The following TRMT6 variants were observed in gnomAD, a reference collection of about 807,000 sequenced individuals.
The protein encoded by TRMT6 is tRNA methyltransferase 6 non-catalytic subunit.
Under a neutral mutation model 59.0 loss-of-function variants are expected in TRMT6, and 34 were observed. That is an observed-to-expected ratio of 0.58 (90% CI 0.44 to 0.77). The LOEUF (loss-of-function observed/expected upper bound fraction) is 0.77, where lower values mean the gene tolerates loss of function less well. Ranked by LOEUF, TRMT6 falls within the 30% of genes least tolerant of loss-of-function variation. The probability of loss-of-function intolerance (pLI) is 0.00; values close to 1 mark genes in which losing one functional copy is unlikely to be tolerated. For synonymous variants in TRMT6, 217 were observed against 210.5 expected, an observed-to-expected ratio of 1.03 and a Z score of -0.27; for missense variants, 575 against 604.5, an observed-to-expected ratio of 0.95 and a Z score of 0.51.
chr20:5,941,156 A>G lies in TRMT6; in HGVS notation c.1216-17T>C. On this transcript the variant is annotated splice_polypyrimidine_tract_variant and intron_variant, in intron 9 of 10. Transcript: ENST00000203001. The stretch of plus-strand genomic sequence containing the variant: ...CAACAGAGGCTGCAGACAACAACAG[A>G]ATTCTGTTAAGAACTACTTCCTGGG... 6.2e-7 allele frequency: 1 copy of G among 1,612,978 alleles called. No individual in the cohort carries two copies. The highest frequency in any genetic ancestry group is 8.5e-7 in the Non-Finnish European group (1 of 1,178,922).
chr20:5,949,888 T>C (rs1389703209), intron 1 of TRMT6, among the ~76,000 whole-genome samples: 2 of 151,572 alleles, frequency 1.3e-5, no homozygotes, highest in African/African-American at 4.9e-5. Flanking sequence ...ACAGTGAAGA[T>C]CCCAAGGTCC....
intron 8 of TRMT6, chr20:5,941,642 TTGTGGATATC>T (rs2088657039): frequency 1.8e-6 from 1 of 546,804 alleles, no homozygotes; most frequent in Admixed American, 3.3e-5. Context: ...ATAAGCTGCT[TTGTGGATATC>T]TGTTATAGCC....
rs1357298693 is a variant in TRMT6 at position 5,950,477 on chromosome 20, C to A, written c.-72G>T. ...TCGGTTGTCGCCACCGCCAGCCTCA[C>A]TTCCCACAACCTGGCGCACTAGGAG... On this transcript the variant is annotated 5_prime_UTR_variant, in exon 1 of 11. Transcript: ENST00000203001. 21 of 1,491,630 alleles carry A rather than the reference C, an allele frequency of 1.4e-5. No homozygotes were observed. Among genetic ancestry groups the A allele is most frequent in the Non-Finnish European group, 1.8e-5 (20 of 1,119,506 alleles). 92.4% of individuals were successfully genotyped at this position (1,491,630 alleles called of 1,614,324 possible).
intron 2 of TRMT6, 83 bp from the exon 3 acceptor site, chr20:5,944,997 G>T: frequency 9.1e-7 from 1 of 1,098,372 alleles, no homozygotes; most frequent in Non-Finnish European, 1.4e-6. Flanking sequence ...TCCACATCCA[G>T]TCCATCAGCC....
intron 1 of TRMT6, among the ~76,000 whole-genome samples, chr20:5,947,732 C>G (rs1002504259): frequency 2.7e-5 from 4 of 148,978 alleles, no homozygotes; most frequent in Non-Finnish European, 4.4e-5. Flanking sequence ...CACCCCCTAT[C>G]CTCATCCTTT....
chr20:5,938,889 C>CCCTT (rs773733078), intron 10 of TRMT6, among the ~76,000 whole-genome samples, 163 bp from the exon 11 acceptor site: 7 of 141,010 alleles, frequency 5.0e-5, no homozygotes, highest in East Asian at 4.7e-4. Context: ...CTCCCTCTCT[C>CCCTT]CCTTCCTTCC....
At chr20:5,942,268 G>A (rs534837847) in intron 7 of TRMT6, 160 bp downstream of exon 7, 16 of 781,048 alleles carry the variant, frequency 2.0e-5, no homozygotes, top group South Asian at 1.5e-4. Context: ...CCCGAAGACC[G>A]AATCACACGT....
At chr20:5,945,707 T>C (rs1490916093) in intron 2 of TRMT6, among the ~76,000 whole-genome samples, 1 of 152,216 alleles carries the variant, frequency 6.6e-6, no homozygotes, top group Non-Finnish European at 1.5e-5. Flanking sequence ...CTCAAAACTT[T>C]AACAGTATTT....
chr20:5,943,437 A>AG lies in TRMT6; in HGVS notation c.667+121_667+122insC. The AG allele has an allele frequency of 3.8e-6, 5 of 1,332,634 alleles. No homozygotes were observed. The South Asian group carries it at 5.4e-5, about 14-fold the overall frequency. The allele number at this position is 1,332,634 out of a possible 1,614,324, so 82.6% of individuals were successfully genotyped here. A position where few individuals can be genotyped will look rare whatever the true frequency, so the allele number is the denominator to read the frequency against. On this transcript the variant is annotated intron_variant, in intron 6 of 10. Coordinates refer to ENST00000203001, the MANE Select transcript of TRMT6 (RefSeq NM_015939.5). Reference sequence around the variant, plus strand: ...CCCATGCTAGGAGCCGTGCAGGTTCACCCAAGTCACTTTGTTAACCCTGAA... The same window carrying AG: ...CCCATGCTAGGAGCCGTGCAGGTTCAGCCCAAGTCACTTTGTTAACCCTGAA...
intron 7 of TRMT6, 120 bp from the exon 8 acceptor site, chr20:5,942,156 C>T (rs1019260329): frequency 5.3e-6 from 5 of 941,544 alleles, no homozygotes; most frequent in Non-Finnish European, 8.2e-6. Flanking sequence ...CCAATAGAAG[C>T]AGGTTGTTTA....
chr20:5,941,365 C>A lies in TRMT6; in HGVS notation c.1113-20G>T, dbSNP rs756669483. On this transcript the variant is annotated intron_variant, in intron 8 of 10. Transcript: ENST00000203001. ...ATTAAACTGTAAGGAAAATGCCAGA[C>A]AAATTATTTCTCTACACCCTCAAAG... 5.1e-6 allele frequency: 8 copies of A among 1,569,948 alleles called. No homozygotes were observed. The highest frequency in any genetic ancestry group is 1.4e-5 in the African/African-American group (1 of 73,818).
rs771470999 is a variant in TRMT6 at position 5,942,383 on chromosome 20, A to T, written c.1026+45T>A. 1.0e-5 allele frequency: 16 copies of T among 1,530,792 alleles called. No individual in the cohort carries two copies. The South Asian group carries it at 1.6e-4, about 15-fold the overall frequency. 94.8% of individuals were successfully genotyped at this position (1,530,792 alleles called of 1,614,324 possible). A position where few individuals can be genotyped will look rare whatever the true frequency, so the allele number is the denominator to read the frequency against. On this transcript the variant is annotated intron_variant, in intron 7 of 10. Coordinates refer to ENST00000203001, the MANE Select transcript of TRMT6 (RefSeq NM_015939.5). ...CTCATGACTTAACTGAAGTTAACTGAGGGACTGAGATTATGGGGGTGGTGG... is the reference window on the plus strand; with the variant it reads ...CTCATGACTTAACTGAAGTTAACTGTGGGACTGAGATTATGGGGGTGGTGG...
In TRMT6 at chr20:5,938,425, G is replaced by A. The variant is rs1437974932; in HGVS notation, c.*110C>T. Reference sequence around the variant, plus strand: ...CCTCCTTCCTAGAAACGGGTACATAGACATGTTCTTATTCTTGGGATATGA... The same window carrying A: ...CCTCCTTCCTAGAAACGGGTACATAAACATGTTCTTATTCTTGGGATATGA... On this transcript the variant is annotated 3_prime_UTR_variant, in exon 11 of 11. Transcript: ENST00000203001. 3.5e-6 allele frequency: 4 copies of A among 1,141,630 alleles called. No homozygotes were observed. The highest frequency in any genetic ancestry group is 2.4e-5 in the East Asian group (1 of 42,442). The allele number at this position is 1,141,630 out of a possible 1,614,324, so 70.7% of individuals were successfully genotyped here. A position where few individuals can be genotyped will look rare whatever the true frequency, so the allele number is the denominator to read the frequency against.
In TRMT6 at chr20:5,938,530, A is replaced by G; in HGVS notation, c.*5T>C. 6.2e-7 allele frequency: 1 copy of G among 1,605,880 alleles called. No homozygotes were observed. Among genetic ancestry groups the G allele is most frequent in the Non-Finnish European group, 8.5e-7 (1 of 1,175,422 alleles). On this transcript the variant is annotated 3_prime_UTR_variant, in exon 11 of 11. Transcript: ENST00000203001. Reference sequence around the variant, plus strand: ...GAACAAAATTCAGAGCAATTCTCAAAAGGGTTAAGAGTCAGACTCTGGGCA... The same window carrying G: ...GAACAAAATTCAGAGCAATTCTCAAGAGGGTTAAGAGTCAGACTCTGGGCA...
intron 1 of TRMT6, 88 bp downstream of exon 1, chr20:5,950,190 G>T: frequency 1.4e-6 from 2 of 1,411,292 alleles, no homozygotes; most frequent in Non-Finnish European, 1.9e-6. Context: ...ATGGCACCCT[G>T]GCGGAAGAAT....
At chr20:5,944,390 A>G in intron 3 of TRMT6, 137 bp from the exon 4 acceptor site, 1 of 538,020 alleles carries the variant, frequency 1.9e-6, no homozygotes, top group South Asian at 3.0e-5. Flanking sequence ...AAATAGATGA[A>G]CTTTATATTT....
chr20:5,950,134 C>A, intron 1 of TRMT6, 144 bp downstream of exon 1: 1 of 825,392 alleles, frequency 1.2e-6, no homozygotes, highest in Admixed American at 2.6e-5. Flanking sequence ...ACAGAAAGAC[C>A]CGAGGAGACA....
rs758703543 is a variant in TRMT6, at chr20:5,943,571, C to G, written c.655G>C (p.Glu219Gln). ...TATTAAATCTTACCTCCCATTCGTT[C>G]CATCATTGCACCCAGCACCAAGCCT... The part of the protein sequence containing the change: ...CAGLVLGAMM[E>Q]RMGGFGSIIQ... Residue 219 changes from glutamate to glutamine, a missense_variant, in exon 6 of 11, where the codon GAA becomes CAA. Glu to Gln is a conservative substitution (Grantham distance 29). Transcript: ENST00000203001. 1.2e-6 allele frequency: 2 copies of G among 1,614,080 alleles called. No individual in the cohort carries two copies. The highest frequency in any genetic ancestry group is 3.3e-5 in the Admixed American group (2 of 59,982).
chr20:5,941,504 T>C (rs931526944), intron 8 of TRMT6, 159 bp from the exon 9 acceptor site: 6 of 630,356 alleles, frequency 9.5e-6, no homozygotes, highest in Middle Eastern at 3.4e-4. Context: ...AATACAATCA[T>C]GAGCTATTTC....
Sources: allele counts gnomAD v4.1 joint callset (sites outside exome capture counted in the v4.1 genomes callset), GRCh38; gene constraint gnomAD v4.1.1; transcripts MANE v1.5; gene names NCBI Gene and HGNC (gene_info 2026-07-23, HGNC 2026-07-21).